ERICH6: variants seen among roughly 807,000 people sequenced by gnomAD.
ERICH6 encodes the protein glutamate rich 6, also known as glutamate-rich protein 6.
A neutral mutation model predicts 71.0 loss-of-function variants in ERICH6; 71 were observed. That is an observed-to-expected ratio of 1.00 (90% CI 0.83 to 1.22). The LOEUF is 1.22. Among genes scored for constraint, ERICH6 ranks in the 50% most tolerant of loss-of-function variants. ERICH6 has a pLI of 0.00. For synonymous variants in ERICH6, 262 were observed against 278.4 expected, an observed-to-expected ratio of 0.94 and a Z score of 0.59; for missense variants, 808 against 797.2, an observed-to-expected ratio of 1.01 and a Z score of -0.16.
Position 150,680,800 on chromosome 3 carries a change from A to G in ERICH6, c.1013T>C (p.Leu338Pro). The change falls in exon 8 of 14, where the codon CTC (leucine) becomes CCC (proline). Residue 338 changes from leucine (L) to proline (P), a missense_variant. Physicochemically the swap from Leu to Pro is moderately conservative, Grantham distance 98. Transcript: ENST00000295910. ...TTGCAGGGCTTTTTCTTTTGCCTTG[A>G]GTCTGTCGACCTCACTACCATGGGC... is the stretch of plus-strand genomic sequence containing the variant. ...HAAHGSEVDR[L>P]KAKEKALQRK... 1.2e-6 allele frequency: 2 copies of G among 1,610,466 alleles called. No individual in the cohort carries two copies. Among genetic ancestry groups the G allele is most frequent in the Non-Finnish European group, 1.7e-6 (2 of 1,179,164 alleles).
intron 3 of ERICH6, among the ~76,000 whole-genome samples, chr3:150,687,592 T>G (rs530929211): frequency 1.3e-5 from 2 of 152,226 alleles, no homozygotes; most frequent in Non-Finnish European, 2.9e-5. Flanking sequence ...AGGATTATTC[T>G]ATCTAGATTC....
intron 12 of ERICH6, among the ~76,000 whole-genome samples, chr3:150,667,608 A>G (rs1475751006): frequency 6.6e-6 from 1 of 152,134 alleles, no homozygotes; most frequent in African/African-American, 2.4e-5. Context: ...AGGCGACCCC[A>G]TCTCTTCAGA....
At position 150,694,215 on chromosome 3, in the gene ERICH6, T is replaced by G. The variant is rs1251729269; in HGVS notation, c.553+4576A>C. On this transcript the variant is annotated intron_variant, in intron 3 of 13. Coordinates refer to ENST00000295910, the MANE Select transcript of ERICH6 (RefSeq NM_152394.5). Reference sequence around the variant, plus strand: ...ACCTGAGACCAGACTCATTATTTTCTAAAATGCTTTCTCTGAAAAATTTTA... The same window carrying G: ...ACCTGAGACCAGACTCATTATTTTCGAAAATGCTTTCTCTGAAAAATTTTA... 5.9e-5 allele frequency among the ~76,000 whole-genome samples: 9 copies of G among 152,276 alleles called. No homozygotes were observed. In the East Asian group the frequency reaches 1.7e-3, roughly 29 times the overall value.
chr3:150,662,242 C>T (rs761812724), intron 13 of ERICH6, among the ~76,000 whole-genome samples: 7 of 152,098 alleles, frequency 4.6e-5, no homozygotes, highest in Non-Finnish European at 7.4e-5. Context: ...CTGGCCCTGG[C>T]GAAAGGTACA....
intron 4 of ERICH6, 110 bp from the exon 5 acceptor site, chr3:150,686,131 C>T (rs1340654640): frequency 2.1e-5 from 25 of 1,194,110 alleles, no homozygotes; most frequent in Middle Eastern, 1.9e-4. Context: ...GCCCAGCACG[C>T]ACACACTGTT....
intron 3 of ERICH6, among the ~76,000 whole-genome samples, chr3:150,689,743 G>A (rs753159281): frequency 2.0e-5 from 3 of 151,662 alleles, no homozygotes; most frequent in Non-Finnish European, 2.9e-5. Context: ...CCTTTCTCTT[G>A]TACCCTCTGC....
At chr3:150,686,867 G>C (rs1050226534) in intron 3 of ERICH6, among the ~76,000 whole-genome samples, 2 of 151,926 alleles carry the variant, frequency 1.3e-5, no homozygotes, top group African/African-American at 4.8e-5. Flanking sequence ...TTGAGCTCTG[G>C]GGCCATTATT....
At chr3:150,676,953 C>A (rs183765129) in intron 10 of ERICH6, among the ~76,000 whole-genome samples, 1 of 152,040 alleles carries the variant, frequency 6.6e-6, no homozygotes, top group Admixed American at 6.6e-5. Context: ...GCTGGGATTA[C>A]GGGTGCCTGC....
chr3:150,671,405 A>C (rs1711501083), intron 11 of ERICH6, among the ~76,000 whole-genome samples: 1 of 152,240 alleles, frequency 6.6e-6, no homozygotes, highest in African/African-American at 2.4e-5. Flanking sequence ...TAAATATTAA[A>C]TGAATGACCT....
chr3:150,665,059 G>T (rs77247829), intron 13 of ERICH6, among the ~76,000 whole-genome samples: 1 of 152,114 alleles, frequency 6.6e-6, no homozygotes, highest in African/African-American at 2.4e-5. Context: ...TATATTTTGT[G>T]TAAGAATGTA....
At position 150,660,006 on chromosome 3, in the gene ERICH6, C is replaced by A; in HGVS notation, c.1878G>T (p.Lys626Asn). 6.2e-7 allele frequency: 1 copy of A among 1,614,136 alleles called. No homozygotes were observed. The highest frequency in any genetic ancestry group is 8.5e-7 in the Non-Finnish European group (1 of 1,180,026). The stretch of plus-strand genomic sequence containing the variant: ...AAAGTGAAGAAAGGTAGGAAGGTTG[C>A]TTTAATTTTTCCCAAACCTGGCTTG... ...FPSSQVWEKL[K>N]QPSYLSSLSL... The change falls in exon 14 of 14, where the codon AAG becomes AAT. Residue 626 changes from lysine to asparagine, a missense_variant. Coordinates refer to ENST00000295910, the MANE Select transcript of ERICH6 (RefSeq NM_152394.5).
At chr3:150,677,694 G>T (rs1711715873) in intron 10 of ERICH6, among the ~76,000 whole-genome samples, 1 of 151,930 alleles carries the variant, frequency 6.6e-6, no homozygotes, top group South Asian at 2.1e-4. Flanking sequence ...ATGGGGTTTT[G>T]TCTTGTTGTC....
At chr3:150,682,393 C>T (rs1712005608) in intron 6 of ERICH6, 77 bp from the exon 7 acceptor site, 7 of 1,051,966 alleles carry the variant, frequency 6.7e-6, no homozygotes, top group Admixed American at 3.8e-5. Context: ...AGGAGCACGA[C>T]CCTGGGCATG....
intron 11 of ERICH6, among the ~76,000 whole-genome samples, chr3:150,671,846 T>A (rs1468227159): frequency 6.6e-6 from 1 of 152,150 alleles, no homozygotes; most frequent in Non-Finnish European, 1.5e-5. Context: ...CCCAGGCTGA[T>A]CTCAAATTGC....
chr3:150,661,873 C>G lies in ERICH6; in HGVS notation c.1729-1718G>C, dbSNP rs190477280. ...TCCAGCCTGGGTGACAGAGCAAAAC[C>G]CTGTCTCTAAAAACAAACAAACAAA... On this transcript the variant is annotated intron_variant, in intron 13 of 13. Transcript: ENST00000295910. 2.6e-5 allele frequency among the ~76,000 whole-genome samples: 4 copies of G among 152,064 alleles called. No homozygotes were observed. In the East Asian group the frequency reaches 7.7e-4, roughly 29 times the overall value.
intron 11 of ERICH6, among the ~76,000 whole-genome samples, chr3:150,672,885 T>G (rs1711520238): frequency 6.6e-6 from 1 of 151,582 alleles, no homozygotes; most frequent in Admixed American, 6.6e-5. Context: ...ATTAGCCAGG[T>G]GTAGTGGTGC....
At chr3:150,677,544 T>G (rs182040762) in intron 10 of ERICH6, among the ~76,000 whole-genome samples, 12 of 152,140 alleles carry the variant, frequency 7.9e-5, no homozygotes, top group South Asian at 2.1e-4. Flanking sequence ...TCACCCAGGC[T>G]GGAGTGCAGT....
At chr3:150,702,270 C>CTTTTTTTTTTTTTTTTTTTTTTTT (rs63679260) in intron 1 of ERICH6, 92 bp from the exon 2 acceptor site, 1 of 154,786 alleles carries the variant, frequency 6.5e-6, no homozygotes, top group African/African-American at 4.6e-5. Context: ...TGTCTGGAGA[C>CTTTTTTTTTTTTTTTTTTTTTTTT]TTTTTTTTTT....
chr3:150,701,805 C>A (rs1712878192), intron 2 of ERICH6, among the ~76,000 whole-genome samples: 1 of 127,222 alleles, frequency 7.9e-6, no homozygotes, highest in Admixed American at 9.0e-5. Context: ...CGTCCCTGGT[C>A]ACTCTTGCAT....
Sources: gnomAD v4.1 joint callset for allele counts (sites outside exome capture counted in the v4.1 genomes callset) on GRCh38, gnomAD v4.1.1 for gene constraint, MANE v1.5 for transcripts, NCBI Gene and HGNC (gene_info 2026-07-23, HGNC 2026-07-21) for gene names.